The following TSPAN9 variants were observed in gnomAD, a reference collection of about 807,000 sequenced individuals.
TSPAN9 encodes tetraspanin-9.
Under a neutral mutation model 31.0 loss-of-function variants are expected in TSPAN9, and 16 were observed. That is an observed-to-expected ratio of 0.52 (90% CI 0.35 to 0.78). The LOEUF is 0.78. TSPAN9 is among the 30% of genes least tolerant of loss of function. The pLI is 0.01. For synonymous variants in TSPAN9, 145 were observed against 121.6 expected, an observed-to-expected ratio of 1.19 and a Z score of -1.27; for missense variants, 272 against 312.5, an observed-to-expected ratio of 0.87 and a Z score of 0.98.
intron 3 of TSPAN9, among the ~76,000 whole-genome samples, chr12:3,250,474 T>G (rs1019323991): frequency 6.6e-6 from 1 of 152,212 alleles, no homozygotes; most frequent in Non-Finnish European, 1.5e-5. Flanking sequence ...ACATGCCTCT[T>G]GGGTGTCTGG....
intron 2 of TSPAN9, among the ~76,000 whole-genome samples, chr12:3,140,896 T>C (rs1291232373): frequency 2.6e-5 from 4 of 151,298 alleles, no homozygotes; most frequent in Non-Finnish European, 4.4e-5. Flanking sequence ...ACTTGCCAGG[T>C]GGAAGGGCGT....
intron 2 of TSPAN9, among the ~76,000 whole-genome samples, chr12:3,090,456 G>A (rs1193254542): frequency 2.0e-5 from 3 of 152,230 alleles, no homozygotes; most frequent in Non-Finnish European, 4.4e-5. Context: ...TCATATATCC[G>A]GTGGTTGGTG....
At chr12:3,130,777 G>A (rs992821192) in intron 2 of TSPAN9, among the ~76,000 whole-genome samples, 10 of 152,160 alleles carry the variant, frequency 6.6e-5, no homozygotes, top group African/African-American at 2.4e-4. Context: ...AAAAATGTGA[G>A]TTACTTCTAT....
intron 2 of TSPAN9, among the ~76,000 whole-genome samples, chr12:3,190,873 T>A (rs1448522802): frequency 1.3e-5 from 2 of 152,234 alleles, no homozygotes; most frequent in Non-Finnish European, 2.9e-5. Context: ...AGCACCAGTG[T>A]GCTAGACAAA....
rs1203409400 is a variant in TSPAN9 at position 3,144,939 on chromosome 12, G to A, written c.-17-56238G>A. Among the ~76,000 whole-genome samples the A allele has an allele frequency of 2.1e-4, 32 of 152,240 alleles. 1 individual carries two copies. Among genetic ancestry groups the A allele is most frequent in the Admixed American group, 2.0e-3 (30 of 15,292 alleles). ...CTATTCCCCCAGACCTTTATGTTAC[G>A]AGGATAATCTGATCATCAAATTGTG... On this transcript the variant is annotated intron_variant, in intron 2 of 8. Transcript: ENST00000011898.
At chr12:3,253,760 G>T (rs1446259735) in intron 3 of TSPAN9, among the ~76,000 whole-genome samples, 1 of 152,208 alleles carries the variant, frequency 6.6e-6, no homozygotes, top group Non-Finnish European at 1.5e-5. Flanking sequence ...GTGGTGACAG[G>T]GTGTTTGTTC....
At chr12:3,090,494 C>T (rs750872983) in intron 2 of TSPAN9, among the ~76,000 whole-genome samples, 2 of 152,236 alleles carry the variant, frequency 1.3e-5, no homozygotes, top group African/African-American at 2.4e-5. Flanking sequence ...TCCCCTGCTA[C>T]GTGGTTTCTC....
intron 2 of TSPAN9, among the ~76,000 whole-genome samples, chr12:3,176,090 C>T (rs185507819): frequency 2.1e-4 from 32 of 152,334 alleles, no homozygotes; most frequent in East Asian, 5.8e-4. Context: ...GTGGCTCTCA[C>T]GCGCTTCTGT....
chr12:3,230,448 C>A (rs2098390088), intron 3 of TSPAN9, among the ~76,000 whole-genome samples: 1 of 152,122 alleles, frequency 6.6e-6, no homozygotes, highest in Non-Finnish European at 1.5e-5. Flanking sequence ...CTTCACCCCA[C>A]CACCAAGAAG....
At chr12:3,087,076 A>G (rs1304317332) in intron 2 of TSPAN9, among the ~76,000 whole-genome samples, 1 of 152,162 alleles carries the variant, frequency 6.6e-6, no homozygotes, top group Non-Finnish European at 1.5e-5. Context: ...CAAGATTGAA[A>G]CAGGGTGCAG....
At chr12:3,112,792 C>G (rs1214623865) in intron 2 of TSPAN9, among the ~76,000 whole-genome samples, 1 of 150,306 alleles carries the variant, frequency 6.7e-6, no homozygotes, top group Non-Finnish European at 1.5e-5. Flanking sequence ...AAGTGATCCT[C>G]CCATTTCAGA....
chr12:3,089,275 A>G (rs1225336492), intron 2 of TSPAN9, among the ~76,000 whole-genome samples: 2 of 147,616 alleles, frequency 1.4e-5, no homozygotes, highest in African/African-American at 2.5e-5. Flanking sequence ...AGGAAAAATT[A>G]GATTGTAGCA....
At chr12:3,178,746 G>T (rs2153970983) in intron 2 of TSPAN9, among the ~76,000 whole-genome samples, 1 of 152,274 alleles carries the variant, frequency 6.6e-6, no homozygotes, top group South Asian at 2.1e-4. Context: ...CTTAGAATGT[G>T]GTGTGTCTGG....
At position 3,280,602 on chromosome 12, in the gene TSPAN9, G is replaced by A. The variant is rs1591723789; in HGVS notation, c.432+119G>A. The A allele has an allele frequency of 4.3e-6, 4 of 925,018 alleles. No individual in the cohort carries two copies. In the South Asian group the frequency reaches 6.1e-5, roughly 14 times the overall value. The allele number at this position is 925,018 out of a possible 1,614,324, so 57.3% of individuals were successfully genotyped here. On this transcript the variant is annotated intron_variant, in intron 6 of 8. Coordinates refer to ENST00000011898, the MANE Select transcript of TSPAN9 (RefSeq NM_006675.5). The surrounding 1 kb of genome is among the most constrained non-coding windows in gnomAD (Gnocchi z 4.5). ...TGTGCTTTCTGGATTTTAGCCGGGA[G>A]TGGAGTGGTACCCACGGGGGCATTT... is the stretch of plus-strand genomic sequence containing the variant.
chr12:3,234,889 G>T (rs1049256901), intron 3 of TSPAN9, among the ~76,000 whole-genome samples: 12 of 151,934 alleles, frequency 7.9e-5, no homozygotes, highest in Non-Finnish European at 2.9e-5. Flanking sequence ...GGCCGGGCGT[G>T]GTGGCTTACG....
At chr12:3,086,496 C>G (rs1403299190) in intron 2 of TSPAN9, among the ~76,000 whole-genome samples, 2 of 152,170 alleles carry the variant, frequency 1.3e-5, no homozygotes, top group Admixed American at 1.3e-4. Flanking sequence ...TTTCTACTCT[C>G]AATGGTCATC....
intron 2 of TSPAN9, among the ~76,000 whole-genome samples, chr12:3,102,845 A>G (rs982093430): frequency 1.3e-5 from 2 of 152,144 alleles, no homozygotes; most frequent in Non-Finnish European, 2.9e-5. Flanking sequence ...CACTTAACCC[A>G]TATTTGTGGA....
At chr12:3,128,673 G>C (rs892782894) in intron 2 of TSPAN9, among the ~76,000 whole-genome samples, 1 of 152,146 alleles carries the variant, frequency 6.6e-6, no homozygotes, top group Admixed American at 6.5e-5. Context: ...GAGGCTGCCT[G>C]GGTAACCACT....
chr12:3,244,396 C>T (rs7959590), intron 3 of TSPAN9, among the ~76,000 whole-genome samples: 6,258 of 152,312 alleles, frequency 0.041, 178 homozygotes, highest in Non-Finnish European at 0.063. Flanking sequence ...CACCTACTCC[C>T]GCTCCACCCC....
Sources: gnomAD v4.1 joint callset for allele counts (sites outside exome capture counted in the v4.1 genomes callset) on GRCh38, gnomAD v4.1.1 for gene constraint, Gnocchi (gnomAD v3.1) non-coding constraint, MANE v1.5 for transcripts, NCBI Gene and HGNC (gene_info 2026-07-23, HGNC 2026-07-21) for gene names.